PCDHA2: variants seen among roughly 807,000 people sequenced by gnomAD.
The protein encoded by PCDHA2 is protocadherin alpha 2, also known as protocadherin alpha-2.
Under a neutral mutation model 66.0 loss-of-function variants are expected in PCDHA2, and 58 were observed. That is an observed-to-expected ratio of 0.88 (90% CI 0.71 to 1.09). The LOEUF (loss-of-function observed/expected upper bound fraction) is 1.09. Ranked by LOEUF, PCDHA2 falls within the 50% of genes least tolerant of loss-of-function variation. The pLI, the probability that PCDHA2 is intolerant of heterozygous loss-of-function variation, is 0.00. For synonymous variants in PCDHA2, 634 were observed against 554.0 expected, an observed-to-expected ratio of 1.14 and a Z score of -2.03; for missense variants, 1,267 against 1,242.3, an observed-to-expected ratio of 1.02 and a Z score of -0.30.
At chr5:140,882,108 A>T in intron 1 of PCDHA2, 4 of 1,370,912 alleles carry the variant, frequency 2.9e-6, no homozygotes, top group Non-Finnish European at 3.9e-6. Context: ...TCCGCGAAGA[A>T]AGCCGCCGTT....
At chr5:140,868,157 G>C (rs1380314181) in intron 1 of PCDHA2, 1 of 151,956 alleles carries the variant, frequency 6.6e-6, no homozygotes, top group Non-Finnish European at 1.5e-5. Flanking sequence ...GTTACATAAA[G>C]TGCTAAATTT....
intron 1 of PCDHA2, among the ~76,000 whole-genome samples, chr5:140,936,885 T>C (rs1490428437): frequency 6.6e-6 from 1 of 152,238 alleles, no homozygotes; most frequent in Non-Finnish European, 1.5e-5. Context: ...CCTGCTTTGA[T>C]TTTAATTGGC....
At chr5:140,961,384 A>G (rs568973458) in intron 1 of PCDHA2, among the ~76,000 whole-genome samples, 44 of 152,302 alleles carry the variant, frequency 2.9e-4, no homozygotes, top group Non-Finnish European at 5.7e-4. Flanking sequence ...AGTTTGAACT[A>G]TTCCATTAGT....
intron 3 of PCDHA2, among the ~76,000 whole-genome samples, chr5:141,000,193 A>G (rs554462748): frequency 2.0e-5 from 3 of 151,958 alleles, no homozygotes; most frequent in Non-Finnish European, 4.4e-5. Flanking sequence ...ATGTGAGAAT[A>G]GTTTTTCACC....
intron 1 of PCDHA2, chr5:140,863,366 C>A: frequency 8.4e-7 from 1 of 1,190,444 alleles, no homozygotes; most frequent in Non-Finnish European, 1.2e-6. Context: ...CGGTGCTTGG[C>A]GCAGCTCACC....
chr5:140,866,367 C>T (rs1375421273), intron 1 of PCDHA2: 1 of 152,082 alleles, frequency 6.6e-6, no homozygotes, highest in African/African-American at 2.4e-5. Flanking sequence ...ATATTGCATA[C>T]TTCAATAACA....
chr5:140,941,175 C>T (rs1344326389), intron 1 of PCDHA2, among the ~76,000 whole-genome samples: 1 of 145,416 alleles, frequency 6.9e-6, no homozygotes, highest in Admixed American at 6.8e-5. Context: ...CCATCTTGAA[C>T]ATCCTGCTTC....
In PCDHA2 at chr5:140,882,314, C is replaced by G. The variant is rs370330527; in HGVS notation, c.2388+84962C>G. 9 of 1,614,000 alleles carry G rather than the reference C, an allele frequency of 5.6e-6. No individual in the cohort carries two copies. The Admixed American group carries it at 6.7e-5, about 12-fold the overall frequency. On this transcript the variant is annotated intron_variant, in intron 1 of 3. Transcript: ENST00000526136. ...AGGCCCAAGACCGCGGCAACTACTGCTCTGGCTTCTGATCCTCGCAGCCTG... is the reference window on the plus strand; with the variant it reads ...AGGCCCAAGACCGCGGCAACTACTGGTCTGGCTTCTGATCCTCGCAGCCTG...
At chr5:140,847,479 A>G (rs1229726594) in intron 1 of PCDHA2, 1 of 149,940 alleles carries the variant, frequency 6.7e-6, no homozygotes, top group East Asian at 1.9e-4. Flanking sequence ...ACGTTGGAAT[A>G]AGATAGTAAA....
At chr5:140,983,588 C>T (rs530448589) in intron 3 of PCDHA2, among the ~76,000 whole-genome samples, 2 of 152,270 alleles carry the variant, frequency 1.3e-5, no homozygotes, top group East Asian at 3.9e-4. Flanking sequence ...TACATCTATT[C>T]TACATATGAG....
intron 3 of PCDHA2, among the ~76,000 whole-genome samples, chr5:140,997,165 G>A (rs1554255769): frequency 6.6e-6 from 1 of 151,976 alleles, no homozygotes; most frequent in African/African-American, 2.4e-5. Flanking sequence ...CCTGCCCAGA[G>A]TGGTACATTC....
chr5:140,842,875 C>A (rs2150347019), intron 1 of PCDHA2: 1 of 1,593,980 alleles, frequency 6.3e-7, no homozygotes, highest in Non-Finnish European at 8.6e-7. Flanking sequence ...GCAAGGTGTA[C>A]GCGCTGCAGC....
chr5:140,877,092 C>G (rs200462899), intron 1 of PCDHA2: 46 of 1,613,110 alleles, frequency 2.9e-5, no homozygotes, highest in African/African-American at 6.7e-5. Flanking sequence ...CGCGCGACGC[C>G]GGCGTGCCGC....
At chr5:140,955,552 C>T (rs1554221978) in intron 1 of PCDHA2, among the ~76,000 whole-genome samples, 2 of 152,092 alleles carry the variant, frequency 1.3e-5, no homozygotes, top group African/African-American at 4.8e-5. Flanking sequence ...TTGAGGCCTC[C>T]CCAGCCATAC....
chr5:141,004,809 C>A (rs1319049687), intron 3 of PCDHA2, among the ~76,000 whole-genome samples: 1 of 152,144 alleles, frequency 6.6e-6, no homozygotes. Context: ...AGCTCAATTG[C>A]AGATTTGATT....
chr5:140,913,167 T>C (rs1232000053), intron 1 of PCDHA2, among the ~76,000 whole-genome samples: 1 of 152,196 alleles, frequency 6.6e-6, no homozygotes, highest in Non-Finnish European at 1.5e-5. Flanking sequence ...TTGGTATTAG[T>C]TCTTCTTTAA....
chr5:140,933,539 G>A (rs1173969458), intron 1 of PCDHA2, among the ~76,000 whole-genome samples: 1 of 152,018 alleles, frequency 6.6e-6, no homozygotes, highest in Non-Finnish European at 1.5e-5. Flanking sequence ...TCAAAATAAT[G>A]TTAATATAAA....
intron 1 of PCDHA2, chr5:140,868,478 AT>A (rs1444050987): frequency 1.3e-5 from 2 of 152,364 alleles, no homozygotes; most frequent in Non-Finnish European, 2.9e-5. Flanking sequence ...TAAAACTTCA[AT>A]TTTTTCTTTG....
intron 1 of PCDHA2, chr5:140,821,822 T>C (rs1390477821): frequency 2.5e-6 from 4 of 1,614,106 alleles, no homozygotes; most frequent in Non-Finnish European, 3.4e-6. Context: ...CTCCTGCTGC[T>C]CTGGCTTCTC....
Sources: allele counts gnomAD v4.1 joint callset (sites outside exome capture counted in the v4.1 genomes callset), GRCh38; gene constraint gnomAD v4.1.1; transcripts MANE v1.5; gene names NCBI Gene and HGNC (gene_info 2026-07-23, HGNC 2026-07-21).